TMPRSS15: variants seen among roughly 807,000 people sequenced by gnomAD.
The protein encoded by TMPRSS15 is enteropeptidase.
A neutral mutation model predicts 125.3 loss-of-function variants in TMPRSS15; 128 were observed. That is an observed-to-expected ratio of 1.02 (90% CI 0.89 to 1.18). TMPRSS15 has a LOEUF of 1.18. TMPRSS15 is among the 50% of genes most tolerant of loss of function. The pLI is 0.00. For synonymous variants in TMPRSS15, 446 were observed against 423.2 expected, an observed-to-expected ratio of 1.05 and a Z score of -0.66; for missense variants, 1,283 against 1,212.7, an observed-to-expected ratio of 1.06 and a Z score of -0.86.
intron 21 of TMPRSS15, among the ~76,000 whole-genome samples, chr21:18,282,615 G>C (rs2074714660): frequency 6.6e-6 from 1 of 152,202 alleles, no homozygotes; most frequent in African/African-American, 2.4e-5. Context: ...AGCATCCACT[G>C]ACAACCACAT....
intron 1 of TMPRSS15, among the ~76,000 whole-genome samples, chr21:18,430,864 C>T (rs987192467): frequency 2.0e-5 from 3 of 152,138 alleles, no homozygotes; most frequent in Admixed American, 1.3e-4. Flanking sequence ...AGATTATTTA[C>T]ATAGAAGAGA....
chr21:18,320,278 A>G (rs1279832090), intron 16 of TMPRSS15, among the ~76,000 whole-genome samples: 2 of 152,106 alleles, frequency 1.3e-5, no homozygotes, highest in Non-Finnish European at 2.9e-5. Flanking sequence ...AGTTGACAGC[A>G]TGAATTACAT....
rs938252957 is a variant in TMPRSS15, at chr21:18,296,541, G to T, written c.2261+1193C>A. Among the ~76,000 whole-genome samples the T allele has an allele frequency of 1.1e-4, 17 of 152,302 alleles. 1 individual carries two copies. The highest frequency in any genetic ancestry group is 4.1e-4 in the African/African-American group (17 of 41,576). On this transcript the variant is annotated intron_variant, in intron 19 of 24. Coordinates refer to ENST00000284885, the MANE Select transcript of TMPRSS15 (RefSeq NM_002772.3). ...TATAATAGTGACGTCAATGGAAAAT[G>T]ATACTGGCATTTCGTTGATAAGCAT...
chr21:18,330,743 T>G (rs554754784), intron 14 of TMPRSS15, among the ~76,000 whole-genome samples: 2 of 152,148 alleles, frequency 1.3e-5, no homozygotes, highest in Admixed American at 6.5e-5. Context: ...TCTTGTTGGA[T>G]TTTTCAGATT....
intron 7 of TMPRSS15, among the ~76,000 whole-genome samples, chr21:18,364,597 T>C (rs564644376): frequency 1.3e-5 from 2 of 152,268 alleles, no homozygotes; most frequent in African/African-American, 4.8e-5. Flanking sequence ...TTATTTTGAT[T>C]ATCTTCATGA....
At chr21:18,479,888 G>T (rs565958890) in intron 1 of TMPRSS15, among the ~76,000 whole-genome samples, 1 of 152,146 alleles carries the variant, frequency 6.6e-6, no homozygotes, top group East Asian at 1.9e-4. Flanking sequence ...ACATTACTGG[G>T]TATATACCCA....
intron 3 of TMPRSS15, among the ~76,000 whole-genome samples, chr21:18,390,569 A>C (rs2075982166): frequency 6.6e-6 from 1 of 152,176 alleles, no homozygotes; most frequent in Admixed American, 6.5e-5. Context: ...TAGTAAGGAG[A>C]TAGACAAATC....
chr21:18,441,076 T>A (rs913666287), intron 1 of TMPRSS15, among the ~76,000 whole-genome samples: 5 of 150,058 alleles, frequency 3.3e-5, no homozygotes, highest in Non-Finnish European at 7.4e-5. Flanking sequence ...GAGGATCACC[T>A]GAGGTCAGGA....
At chr21:18,277,025 C>T (rs2074630778) in intron 23 of TMPRSS15, among the ~76,000 whole-genome samples, 1 of 152,010 alleles carries the variant, frequency 6.6e-6, no homozygotes, top group Admixed American at 6.6e-5. Flanking sequence ...CTCAGCCTCC[C>T]AAAGTGTTGG....
chr21:18,356,292 G>A (rs2075623961), intron 8 of TMPRSS15, among the ~76,000 whole-genome samples: 1 of 151,776 alleles, frequency 6.6e-6, no homozygotes, highest in Admixed American at 6.6e-5. Flanking sequence ...AACAGATCTA[G>A]TTCAAACTAC....
chr21:18,365,982 T>TG (rs1415167898), intron 6 of TMPRSS15, among the ~76,000 whole-genome samples: 2 of 151,744 alleles, frequency 1.3e-5, no homozygotes, highest in East Asian at 3.9e-4. Flanking sequence ...TGATCTGCAC[T>TG]CCTAGGACTC....
At chr21:18,469,264 C>T (rs1053327799) in intron 1 of TMPRSS15, among the ~76,000 whole-genome samples, 1 of 152,082 alleles carries the variant, frequency 6.6e-6, no homozygotes, top group Admixed American at 6.6e-5. Context: ...TGCTTGAATG[C>T]CTAAATTTAG....
intron 19 of TMPRSS15, among the ~76,000 whole-genome samples, chr21:18,295,713 G>A (rs757348180): frequency 1.3e-5 from 2 of 152,140 alleles, no homozygotes; most frequent in Admixed American, 6.5e-5. Context: ...TATCTTTTTA[G>A]TAACTAGTGT....
chr21:18,269,639 G>A lies in TMPRSS15; in HGVS notation c.*330C>T. 3.8e-6 allele frequency: 1 copy of A among 262,130 alleles called. No individual in the cohort carries two copies. Among genetic ancestry groups the A allele is most frequent in the Non-Finnish European group, 7.4e-6 (1 of 134,274 alleles). 16.2% of individuals were successfully genotyped at this position (262,130 alleles called of 1,614,324 possible). On this transcript the variant is annotated 3_prime_UTR_variant, in exon 25 of 25. Coordinates refer to ENST00000284885, the MANE Select transcript of TMPRSS15 (RefSeq NM_002772.3). Reference sequence around the variant, plus strand: ...TCTGCTCAAATTTCTTAAGTGTATGGTATATGCTTTAAAATAACATCCCTT... The same window carrying A: ...TCTGCTCAAATTTCTTAAGTGTATGATATATGCTTTAAAATAACATCCCTT...
chr21:18,313,251 T>G (rs1358449103), intron 17 of TMPRSS15, among the ~76,000 whole-genome samples, 174 bp from the exon 18 acceptor site: 2 of 152,080 alleles, frequency 1.3e-5, no homozygotes, highest in Non-Finnish European at 2.9e-5. Flanking sequence ...TTTCAAAATT[T>G]TGCAAAATTT....
intron 15 of TMPRSS15, among the ~76,000 whole-genome samples, 199 bp downstream of exon 15, chr21:18,328,970 C>T (rs984741790): frequency 1.3e-5 from 2 of 152,076 alleles, no homozygotes; most frequent in Non-Finnish European, 2.9e-5. Flanking sequence ...TTGTGAAGAA[C>T]GTTCAAGAAA....
At chr21:18,430,248 TGAA>T (rs2076213702) in intron 1 of TMPRSS15, among the ~76,000 whole-genome samples, 3 of 152,300 alleles carry the variant, frequency 2.0e-5, no homozygotes, top group African/African-American at 7.2e-5. Flanking sequence ...TCTATCTGCT[TGAA>T]GAAGGTTATA....
rs57033426 is a variant in TMPRSS15, at chr21:18,463,246, C to CAAAAAAAAAAAAA, written c.10+22540_10+22552dup. On this transcript the variant is annotated intron_variant, in intron 1 of 7. Transcript: ENST00000422787. Reference sequence around the variant, plus strand: ...GAATATTTACCAAGCAAATGGAAAGCAAAAAAAAAAAAAAAAAAAAAAAAA... The same window carrying CAAAAAAAAAAAAA: ...GAATATTTACCAAGCAAATGGAAAGCAAAAAAAAAAAAAAAAAAAAAAAAAAAAAAAAAAAAAA... Among the ~76,000 whole-genome samples, 9 of 11,520 alleles carry CAAAAAAAAAAAAA rather than the reference C, an allele frequency of 7.8e-4. 2 individuals carry two copies. Among genetic ancestry groups the CAAAAAAAAAAAAA allele is most frequent in the Admixed American group, 5.1e-3 (2 of 390 alleles). 7.6% of individuals were successfully genotyped at this position (11,520 alleles called of 152,430 possible).
At chr21:18,287,906 A>C (rs1307983869) in intron 21 of TMPRSS15, among the ~76,000 whole-genome samples, 1 of 152,196 alleles carries the variant, frequency 6.6e-6, no homozygotes, top group Non-Finnish European at 1.5e-5. Flanking sequence ...CCTACCCTTG[A>C]AATCTCTACT....
Sources: allele counts gnomAD v4.1 joint callset (sites outside exome capture counted in the v4.1 genomes callset), GRCh38; gene constraint gnomAD v4.1.1; transcripts MANE v1.5; gene names NCBI Gene and HGNC (gene_info 2026-07-23, HGNC 2026-07-21).